Variants in ZNF169 observed in about 807,000 individuals in gnomAD.
ZNF169 encodes zinc finger protein 169.
ZNF169 carries 11 observed loss-of-function variants against 12.0 expected under a neutral mutation model. The observed-to-expected ratio is 0.92, with a 90% confidence interval of 0.58 to 1.52. The LOEUF is 1.52. Ranked by LOEUF, ZNF169 falls within the 40% of genes most tolerant of loss-of-function variation. The probability of loss-of-function intolerance (pLI) is 0.00; values close to 1 mark genes in which losing one functional copy is unlikely to be tolerated. For missense variants in ZNF169, 722 were observed against 744.0 expected (o/e 0.97, Z 0.34); for synonymous variants, 302 against 286.5 (o/e 1.05, Z -0.55).
chr9:94,287,837 G>A (rs1354782798), intron 2 of ZNF169: 31 of 1,077,272 alleles, frequency 2.9e-5, no homozygotes, highest in Non-Finnish European at 4.5e-5. Context: ...GGCTGGAGTT[G>A]TTCATTTTAG....
rs1201896530 is a variant in ZNF169 at position 94,270,886 on chromosome 9, AAT to A, written c.-55-7864_-55-7863del. ...AATAATATATATATTATATTATATA[AAT>A]ATATATAATAATATATATATTATAT... On this transcript the variant is annotated intron_variant, in intron 1 of 4. Coordinates refer to ENST00000395395, the MANE Select transcript of ZNF169 (RefSeq NM_194320.4). 8.3e-3 allele frequency among the ~76,000 whole-genome samples: 456 copies of A among 55,238 alleles called. 22 individuals carry two copies. Among genetic ancestry groups the A allele is most frequent in the Non-Finnish European group, 0.012 (399 of 33,678 alleles). The allele number at this position is 55,238 out of a possible 152,430, so 36.2% of individuals were successfully genotyped here.
At chr9:94,273,367 T>C (rs1460447956) in intron 1 of ZNF169, among the ~76,000 whole-genome samples, 1 of 151,912 alleles carries the variant, frequency 6.6e-6, no homozygotes, top group Non-Finnish European at 1.5e-5. Context: ...TTTAGCAATT[T>C]TAATTTTTTT....
intron 1 of ZNF169, among the ~76,000 whole-genome samples, chr9:94,266,913 C>CTTT (rs35671526): frequency 7.1e-5 from 10 of 140,076 alleles, no homozygotes; most frequent in African/African-American, 1.6e-4. Context: ...TCGTGTAGGC[C>CTTT]TTTTTTTTTT....
At chr9:94,276,376 C>T (rs971134878) in intron 1 of ZNF169, among the ~76,000 whole-genome samples, 20 of 152,074 alleles carry the variant, frequency 1.3e-4, no homozygotes, top group African/African-American at 4.8e-4. Flanking sequence ...AGTGATTCTC[C>T]TGCCTCAGCC....
chr9:94,280,440 G>A (rs913666213), intron 2 of ZNF169, among the ~76,000 whole-genome samples: 1 of 152,136 alleles, frequency 6.6e-6, no homozygotes, highest in Middle Eastern at 3.2e-3. Flanking sequence ...TCTTTAGCAG[G>A]CCCTAAACCT....
At chr9:94,261,476 A>T (rs1830208007) in intron 1 of ZNF169, among the ~76,000 whole-genome samples, 1 of 152,232 alleles carries the variant, frequency 6.6e-6, no homozygotes, top group Non-Finnish European at 1.5e-5. Flanking sequence ...GTATGAAAAC[A>T]TTGCAAAGAT....
chr9:94,267,066 G>A (rs1178999675), intron 1 of ZNF169, among the ~76,000 whole-genome samples: 5 of 152,024 alleles, frequency 3.3e-5, no homozygotes, highest in African/African-American at 1.2e-4. Context: ...GCGCCACCAC[G>A]CCCAGCTAAC....
Position 94,260,087 on chromosome 9 carries a change from T to G in ZNF169, c.-56+742T>G, listed in dbSNP as rs529983463. Among the ~76,000 whole-genome samples the G allele has an allele frequency of 3.7e-3, 515 of 138,942 alleles. 4 individuals carry two copies. Among genetic ancestry groups the G allele is most frequent in the African/African-American group, 0.013 (491 of 37,102 alleles). 91.2% of individuals were successfully genotyped at this position (138,942 alleles called of 152,430 possible). A position where few individuals can be genotyped will look rare whatever the true frequency, so the allele number is the denominator to read the frequency against. On this transcript the variant is annotated intron_variant, in intron 1 of 4. Coordinates refer to ENST00000395395, the MANE Select transcript of ZNF169 (RefSeq NM_194320.4). ...CCACCACGCCCGGCTAATTTTTTGG[T>G]TTTTGTTTTGTTTTGTTTTTTTGAG...
chr9:94,270,530 TA>T (rs1475965536), intron 1 of ZNF169, among the ~76,000 whole-genome samples: 1 of 145,870 alleles, frequency 6.9e-6, no homozygotes, highest in Non-Finnish European at 1.5e-5. Flanking sequence ...AGTTTCCTTC[TA>T]TTGCTAATTT....
intron 1 of ZNF169, among the ~76,000 whole-genome samples, chr9:94,262,259 C>T (rs896237060): frequency 1.3e-5 from 2 of 152,014 alleles, no homozygotes; most frequent in African/African-American, 4.8e-5. Flanking sequence ...AACTGACTGA[C>T]TTTGAGGGTA....
chr9:94,288,035 G>T, intron 2 of ZNF169: 1 of 776,418 alleles, frequency 1.3e-6, no homozygotes, highest in Non-Finnish European at 2.3e-6. Flanking sequence ...CAGTCTTGTA[G>T]CCAACTACAC....
At chr9:94,284,964 C>G (rs1297367204) in intron 2 of ZNF169, among the ~76,000 whole-genome samples, 1 of 151,986 alleles carries the variant, frequency 6.6e-6, no homozygotes, top group African/African-American at 2.4e-5. Context: ...AGGACTCACA[C>G]TGCCTGAGTT....
chr9:94,300,159 T>G lies in ZNF169; in HGVS notation c.601T>G (p.Leu201Val), dbSNP rs777767548. 46 of 1,614,008 alleles carry G rather than the reference T, an allele frequency of 2.9e-5. No individual in the cohort carries two copies. The South Asian group carries it at 4.5e-4, about 16-fold the overall frequency. ...RMSLGGSDTM[L>V]KGADTSESGA... is the part of the protein sequence containing the mutation. ...GAGTCTTGGGGGGTCAGACACAATG[T>G]TGAAGGGAGCAGACACTTCAGAATC... The change falls in exon 5 of 5, where the codon TTG becomes GTG. Residue 201 changes from leucine to valine, a missense_variant. Leu to Val is a conservative substitution (Grantham distance 32). Transcript: ENST00000395395.
At chr9:94,267,824 A>G (rs1587669411) in intron 1 of ZNF169, among the ~76,000 whole-genome samples, 1 of 148,928 alleles carries the variant, frequency 6.7e-6, no homozygotes, top group Non-Finnish European at 1.5e-5. Context: ...ATTCAAAAGC[A>G]CCTGTTAGAG....
intron 1 of ZNF169, among the ~76,000 whole-genome samples, chr9:94,277,742 T>G (rs1005731484): frequency 5.9e-5 from 9 of 151,726 alleles, no homozygotes; most frequent in African/African-American, 2.2e-4. Flanking sequence ...CCATCCTGGC[T>G]AACACAGTGA....
At chr9:94,270,677 A>T (rs1167280742) in intron 1 of ZNF169, among the ~76,000 whole-genome samples, 1 of 70,306 alleles carries the variant, frequency 1.4e-5, no homozygotes, top group Non-Finnish European at 3.0e-5. Flanking sequence ...ATACTATATA[A>T]ATATATATAA....
At chr9:94,264,010 C>A (rs11789111) in intron 1 of ZNF169, among the ~76,000 whole-genome samples, 52,649 of 151,902 alleles carry the variant, frequency 0.35, 9,675 homozygotes, top group Middle Eastern at 0.45. Context: ...AAAATGAGGG[C>A]TCTTGTAATT....
rs751345634 is a variant in ZNF169 at position 94,300,434 on chromosome 9, C to T, written c.876C>T (p.Cys292=). 1 of 1,613,698 alleles carries T rather than the reference C, an allele frequency of 6.2e-7. No individual in the cohort carries two copies. Among genetic ancestry groups the T allele is most frequent in the East Asian group, 2.2e-5 (1 of 44,838 alleles). The part of the protein sequence containing the change: ...RKHSGEKPYV[C]RECGRHFRYT... ...ACTCGGGGGAGAAGCCGTATGTGTGCAGGGAATGTGGGCGACACTTCAGGT... is the reference window on the plus strand; with the variant it reads ...ACTCGGGGGAGAAGCCGTATGTGTGTAGGGAATGTGGGCGACACTTCAGGT... The change falls in exon 5 of 5, where the codon TGC becomes TGT. Residue 292 remains cysteine, a synonymous_variant. Coordinates refer to ENST00000395395, the MANE Select transcript of ZNF169 (RefSeq NM_194320.4).
intron 4 of ZNF169, chr9:94,293,873 G>C (rs1336509179): frequency 1.3e-5 from 2 of 152,228 alleles, no homozygotes; most frequent in African/African-American, 2.4e-5. Flanking sequence ...TGTACCCTAA[G>C]AGATAGCATG....
Sources: allele counts gnomAD v4.1 joint callset (sites outside exome capture counted in the v4.1 genomes callset), GRCh38; gene constraint gnomAD v4.1.1; transcripts MANE v1.5; gene names NCBI Gene and HGNC (gene_info 2026-07-23, HGNC 2026-07-21).